The following LRRTM4 variants were observed in gnomAD, a reference collection of about 807,000 sequenced individuals.
LRRTM4 encodes the protein leucine-rich repeat transmembrane neuronal protein 4.
In LRRTM4, 25 loss-of-function variants were observed where a neutral mutation model predicts 47.6. That is an observed-to-expected ratio of 0.53 (90% CI 0.38 to 0.73). The LOEUF (loss-of-function observed/expected upper bound fraction) is 0.73, where lower values mean the gene tolerates loss of function less well. Ranked by LOEUF, LRRTM4 falls within the 30% of genes least tolerant of loss-of-function variation. The pLI is 0.00. For synonymous variants in LRRTM4, 311 were observed against 269.5 expected (o/e 1.15, Z -1.51); for missense variants, 638 against 713.4 (o/e 0.89, Z 1.20).
At chr2:77,311,199 T>C (rs1677446407) in intron 3 of LRRTM4, among the ~76,000 whole-genome samples, 1 of 152,174 alleles carries the variant, frequency 6.6e-6, no homozygotes, top group Admixed American at 6.6e-5. Context: ...AAGTTGGCTT[T>C]TCACTGGTAA....
chr2:77,069,411 G>A (rs1680073670), intron 3 of LRRTM4, among the ~76,000 whole-genome samples: 2 of 149,042 alleles, frequency 1.3e-5, no homozygotes, highest in Non-Finnish European at 3.0e-5. Context: ...ATGTGTGTGT[G>A]TGTGTGTGTG....
At chr2:77,500,698 G>A (rs751708802) in intron 3 of LRRTM4, among the ~76,000 whole-genome samples, 19 of 151,440 alleles carry the variant, frequency 1.3e-4, no homozygotes, top group South Asian at 2.1e-4. Flanking sequence ...CATTCACTCC[G>A]TATTATTTTA....
At chr2:76,749,377 T>A (rs1321654491) in intron 3 of LRRTM4, among the ~76,000 whole-genome samples, 2 of 152,262 alleles carry the variant, frequency 1.3e-5, no homozygotes, top group African/African-American at 2.4e-5. Context: ...TAAATATATT[T>A]ACACTTTTAT....
At chr2:77,130,093 T>C (rs989801606) in intron 3 of LRRTM4, among the ~76,000 whole-genome samples, 5 of 152,214 alleles carry the variant, frequency 3.3e-5, no homozygotes, top group Admixed American at 3.3e-4. Flanking sequence ...CAAAGATGTT[T>C]GAAGTGTGGC....
At chr2:76,781,401 C>G (rs961707503) in intron 3 of LRRTM4, among the ~76,000 whole-genome samples, 5 of 152,346 alleles carry the variant, frequency 3.3e-5, no homozygotes, top group East Asian at 1.9e-4. Flanking sequence ...TAGCAATCAG[C>G]GAGACTCCGT....
intron 3 of LRRTM4, among the ~76,000 whole-genome samples, chr2:76,882,269 G>A (rs536719481): frequency 7.9e-5 from 12 of 152,084 alleles, no homozygotes; most frequent in Non-Finnish European, 1.0e-4. Flanking sequence ...GTGTAGGAGT[G>A]AACAGGGTTC....
Position 77,519,368 on chromosome 2 carries a change from G to C in LRRTM4, c.501C>G (p.Asn167Lys). ...CTCTTATGGGCACAGTCTTTAGTGA[G>C]TTAGATCTCAAGTGCAAAATGATGA... ...RKLIILHLRSNSLKTVPIRVF... is the reference protein window; with the variant it reads ...RKLIILHLRSKSLKTVPIRVF... The change falls in exon 3 of 4, where the codon AAC becomes AAG. Residue 167 changes from asparagine to lysine, a missense_variant. Coordinates refer to ENST00000409884, the MANE Select transcript of LRRTM4 (RefSeq NM_001134745.3). This position sits in a 1 kb window ranked among gnomAD's most constrained non-coding sequence, Gnocchi z 4.6. 1 of 1,613,390 alleles carries C rather than the reference G, an allele frequency of 6.2e-7. No individual in the cohort carries two copies. The highest frequency in any genetic ancestry group is 8.5e-7 in the Non-Finnish European group (1 of 1,179,580).
chr2:76,970,268 G>A (rs915893875), intron 3 of LRRTM4, among the ~76,000 whole-genome samples: 11 of 151,890 alleles, frequency 7.2e-5, no homozygotes, highest in African/African-American at 2.7e-4. Flanking sequence ...ATATAACGAA[G>A]TACATCATGC....
chr2:76,768,329 A>G (rs1013252372), intron 3 of LRRTM4, among the ~76,000 whole-genome samples: 1 of 150,716 alleles, frequency 6.6e-6, no homozygotes. Context: ...ACTTAATATC[A>G]AAAGCTTAGT....
At chr2:76,907,188 C>G (rs577874736) in intron 3 of LRRTM4, among the ~76,000 whole-genome samples, 1 of 152,100 alleles carries the variant, frequency 6.6e-6, no homozygotes, top group South Asian at 2.1e-4. Context: ...GATTAAGAAA[C>G]TCACTCAAAA....
intron 3 of LRRTM4, among the ~76,000 whole-genome samples, chr2:77,264,374 G>C (rs1414527055): frequency 6.6e-6 from 1 of 151,926 alleles, no homozygotes; most frequent in Non-Finnish European, 1.5e-5. Flanking sequence ...GAGCGCTCTG[G>C]TTTCTTTTTG....
rs151139048 is a variant in LRRTM4 at position 77,446,885 on chromosome 2, C to T, written c.1551+71433G>A. On this transcript the variant is annotated intron_variant, in intron 3 of 3. Coordinates refer to ENST00000409884, the MANE Select transcript of LRRTM4 (RefSeq NM_001134745.3). ...GGCTTTGAGGACTCACAAAGGTATC[C>T]AAAATTATGGAAACATGTTTAAGAA... Among the ~76,000 whole-genome samples the T allele has an allele frequency of 2.3e-3, 344 of 152,082 alleles. 3 individuals are homozygous for T. The highest frequency in any genetic ancestry group is 6.8e-3 in the Middle Eastern group (2 of 294).
chr2:77,099,241 A>G lies in LRRTM4; in HGVS notation c.1552-350325T>C, dbSNP rs187955826. On this transcript the variant is annotated intron_variant, in intron 3 of 3. Coordinates refer to ENST00000409884, the MANE Select transcript of LRRTM4 (RefSeq NM_001134745.3). ...ACTATTCCTCTATAGAATAATGAAA[A>G]CATTAACTGTACTATGTTTTCATGA... is the stretch of plus-strand genomic sequence containing the variant. 2.4e-4 allele frequency among the ~76,000 whole-genome samples: 37 copies of G among 152,018 alleles called. No individual in the cohort carries two copies. The East Asian group carries it at 6.6e-3, about 27-fold the overall frequency.
chr2:77,322,680 G>C (rs1425964936), intron 3 of LRRTM4, among the ~76,000 whole-genome samples: 3 of 151,348 alleles, frequency 2.0e-5, no homozygotes, highest in African/African-American at 7.3e-5. Flanking sequence ...ATATCAGTAA[G>C]CGATCCTCAT....
intron 3 of LRRTM4, among the ~76,000 whole-genome samples, chr2:77,131,287 A>G (rs932024790): frequency 2.6e-5 from 4 of 152,186 alleles, no homozygotes; most frequent in African/African-American, 4.8e-5. Context: ...TGTTATTCCC[A>G]TTTGAGACGA....
At chr2:77,473,647 C>T (rs768288439) in intron 3 of LRRTM4, among the ~76,000 whole-genome samples, 8 of 152,108 alleles carry the variant, frequency 5.3e-5, no homozygotes, top group Non-Finnish European at 1.0e-4. Flanking sequence ...GCCTTCTGAG[C>T]TGTCACATTG....
chr2:76,952,238 T>C (rs1675522221), intron 3 of LRRTM4, among the ~76,000 whole-genome samples: 1 of 151,964 alleles, frequency 6.6e-6, no homozygotes, highest in African/African-American at 2.4e-5. Context: ...ATGTATTTCT[T>C]TCTCTTGTAG....
intron 3 of LRRTM4, among the ~76,000 whole-genome samples, chr2:76,788,469 T>C (rs1037265276): frequency 6.6e-6 from 1 of 152,214 alleles, no homozygotes; most frequent in Non-Finnish European, 1.5e-5. Flanking sequence ...TTACTCGTAC[T>C]AGGAAGTCAG....
chr2:77,014,791 G>A (rs1047019009), intron 3 of LRRTM4, among the ~76,000 whole-genome samples: 7 of 151,932 alleles, frequency 4.6e-5, no homozygotes, highest in African/African-American at 1.7e-4. Flanking sequence ...CAGCATGGGG[G>A]ACAGAGTGAG....
Sources: allele counts gnomAD v4.1 joint callset (sites outside exome capture counted in the v4.1 genomes callset), GRCh38; gene constraint gnomAD v4.1.1; non-coding constraint Gnocchi (gnomAD v3.1); transcripts MANE v1.5; gene names NCBI Gene and HGNC (gene_info 2026-07-23, HGNC 2026-07-21).